The following SEMA3A variants were observed in gnomAD, a reference collection of about 807,000 sequenced individuals.
The protein encoded by SEMA3A is semaphorin 3A.
In SEMA3A, 29 loss-of-function variants were observed where a neutral mutation model predicts 97.9. The observed-to-expected ratio is 0.30, with a 90% CI of 0.22 to 0.40. The LOEUF is 0.40. SEMA3A is among the 10% of genes least tolerant of loss of function. SEMA3A has a pLI of 1.00. For missense variants in SEMA3A, 763 were observed against 951.3 expected (o/e 0.80, Z 2.60); for synonymous variants, 321 against 323.7 (o/e 0.99, Z 0.09).
At chr7:83,997,443 T>G (rs368991000) in intron 12 of SEMA3A, among the ~76,000 whole-genome samples, 5 of 152,172 alleles carry the variant, frequency 3.3e-5, no homozygotes, top group South Asian at 4.1e-4. Flanking sequence ...AGTGAAATAT[T>G]CCAATTGCTA....
chr7:84,262,122 G>A (rs1167827166), intron 3 of SEMA3A, among the ~76,000 whole-genome samples: 2 of 151,438 alleles, frequency 1.3e-5, no homozygotes, highest in Non-Finnish European at 2.9e-5. Context: ...TCATATTACT[G>A]CTTTATATCA....
At position 84,142,048 on chromosome 7, in the gene SEMA3A, T is replaced by C. The variant is rs1248732944; in HGVS notation, c.113-7097A>G. Reference sequence around the variant, plus strand: ...GCCATGTTATCAGGGAGAGACACTATATTTTTCCTCAAATATGCTTATAAA... The same window carrying C: ...GCCATGTTATCAGGGAGAGACACTACATTTTTCCTCAAATATGCTTATAAA... On this transcript the variant is annotated intron_variant, in intron 1 of 16. Transcript: ENST00000265362. Among the ~76,000 whole-genome samples the C allele has an allele frequency of 2.6e-5, 4 of 152,212 alleles. No homozygotes were observed. In the East Asian group the frequency reaches 5.8e-4, roughly 22 times the overall value.
intron 12 of SEMA3A, among the ~76,000 whole-genome samples, chr7:83,986,944 CCT>C (rs1163146619): frequency 6.8e-6 from 1 of 146,870 alleles, no homozygotes; most frequent in Non-Finnish European, 1.5e-5. Flanking sequence ...ATCTCTCTTT[CCT>C]CTCTTCTCTC....
chr7:84,282,252 C>T (rs1800456785), intron 3 of SEMA3A, among the ~76,000 whole-genome samples: 1 of 152,112 alleles, frequency 6.6e-6, no homozygotes, highest in African/African-American at 2.4e-5. Flanking sequence ...AAACATTATT[C>T]CTAGCTTCCT....
At chr7:84,050,981 G>T (rs1451804482) in intron 5 of SEMA3A, among the ~76,000 whole-genome samples, 1 of 151,616 alleles carries the variant, frequency 6.6e-6, no homozygotes, top group Non-Finnish European at 1.5e-5. Context: ...TTTCCCCATT[G>T]CTTGTTTTTC....
intron 1 of SEMA3A, among the ~76,000 whole-genome samples, chr7:84,406,516 AG>A (rs1305135245): frequency 6.6e-6 from 1 of 152,222 alleles, no homozygotes; most frequent in Non-Finnish European, 1.5e-5. Flanking sequence ...TCCAATCAAC[AG>A]AAAAAGAGGG....
At chr7:84,074,152 A>T (rs1328382472) in intron 4 of SEMA3A, among the ~76,000 whole-genome samples, 1 of 152,150 alleles carries the variant, frequency 6.6e-6, no homozygotes, top group African/African-American at 2.4e-5. Flanking sequence ...TTTATAAATT[A>T]AATTATTGAA....
chr7:84,206,361 C>T (rs1285072169), intron 3 of SEMA3A, among the ~76,000 whole-genome samples: 1 of 133,894 alleles, frequency 7.5e-6, no homozygotes, highest in Non-Finnish European at 1.5e-5. Flanking sequence ...CTGGCTCTGT[C>T]GCCCAGGCTG....
chr7:84,379,313 A>C (rs1803195627), intron 1 of SEMA3A, among the ~76,000 whole-genome samples: 1 of 152,180 alleles, frequency 6.6e-6, no homozygotes, highest in Admixed American at 6.5e-5. Context: ...GTTAGTTTGT[A>C]ATTCATGGAG....
At chr7:84,129,658 A>G (rs779099457) in intron 2 of SEMA3A, among the ~76,000 whole-genome samples, 1 of 152,060 alleles carries the variant, frequency 6.6e-6, no homozygotes, top group Non-Finnish European at 1.5e-5. Context: ...GACATTTTAG[A>G]ATAAGTAACT....
chr7:84,300,204 TATC>T (rs1562892521), intron 3 of SEMA3A, among the ~76,000 whole-genome samples: 1 of 150,962 alleles, frequency 6.6e-6, no homozygotes, highest in Non-Finnish European at 1.5e-5. Context: ...AGAAGTCAAA[TATC>T]ATATTTTTAG....
At chr7:84,142,989 A>G (rs1796340183) in intron 1 of SEMA3A, among the ~76,000 whole-genome samples, 1 of 152,142 alleles carries the variant, frequency 6.6e-6, no homozygotes, top group African/African-American at 2.4e-5. Flanking sequence ...TTCATCATTC[A>G]CTAATCTGAT....
chr7:84,413,347 G>A lies in SEMA3A; in HGVS notation c.-245-41447C>T, dbSNP rs576852276. The stretch of plus-strand genomic sequence containing the variant: ...AAGTAGAATATACTGTAGAAAGCAG[G>A]CCGAGTGTGGTGCCTCATACCTGTA... On this transcript the variant is annotated intron_variant, in intron 1 of 3. Transcript: ENST00000424555. Among the ~76,000 whole-genome samples, 10 of 152,222 alleles carry A rather than the reference G, an allele frequency of 6.6e-5. 1 individual carries two copies. In the South Asian group the frequency reaches 1.9e-3, roughly 28 times the overall value.
chr7:84,373,261 G>A (rs920051641), intron 1 of SEMA3A, among the ~76,000 whole-genome samples: 3 of 152,128 alleles, frequency 2.0e-5, no homozygotes, highest in African/African-American at 4.8e-5. Flanking sequence ...CTGTAGTTTG[G>A]TATTCCATAA....
In SEMA3A at chr7:84,046,416, G is replaced by T; in HGVS notation, c.575C>A (p.Ala192Asp). Residue 192 changes from alanine to aspartate, a missense_variant, in exon 6 of 17, where the codon GCT becomes GAT. By Grantham distance (126) the Ala-to-Asp change is moderately radical. Transcript: ENST00000265362. ...IDGELYSGTAADFMGRDFAIF... is the reference protein window; with the variant it reads ...IDGELYSGTADDFMGRDFAIF... ...AGCAAAGTCTCGCCCCATAAAATCAGCTGCAGTTCCAGAGTATAATTCTCC... is the reference window on the plus strand; with the variant it reads ...AGCAAAGTCTCGCCCCATAAAATCATCTGCAGTTCCAGAGTATAATTCTCC... 6.2e-7 allele frequency: 1 copy of T among 1,613,064 alleles called. No individual in the cohort carries two copies. The highest frequency in any genetic ancestry group is 8.5e-7 in the Non-Finnish European group (1 of 1,179,310).
chr7:84,102,588 C>CTCTT (rs1794990540), intron 4 of SEMA3A, among the ~76,000 whole-genome samples: 1 of 96,846 alleles, frequency 1.0e-5, no homozygotes, highest in Non-Finnish European at 1.9e-5. Context: ...TGCATTATCG[C>CTCTT]TTTTTTTTTT....
At chr7:84,021,852 C>T (rs1046191926) in intron 6 of SEMA3A, among the ~76,000 whole-genome samples, 16 of 152,004 alleles carry the variant, frequency 1.1e-4, no homozygotes, top group African/African-American at 2.9e-4. Context: ...TTGGATGAGT[C>T]GAGCTTATCA....
chr7:84,193,783 T>C (rs575686746), intron 1 of SEMA3A, among the ~76,000 whole-genome samples: 3 of 152,276 alleles, frequency 2.0e-5, no homozygotes, highest in East Asian at 3.9e-4. Context: ...AAAAGAGAAG[T>C]TTACACAACT....
At chr7:84,324,458 G>T (rs897601253) in intron 2 of SEMA3A, among the ~76,000 whole-genome samples, 2 of 152,112 alleles carry the variant, frequency 1.3e-5, no homozygotes, top group Non-Finnish European at 2.9e-5. Context: ...ATAGTTATCT[G>T]CCAGCTCCAG....
Sources: gnomAD v4.1 joint callset for allele counts (sites outside exome capture counted in the v4.1 genomes callset) on GRCh38, gnomAD v4.1.1 for gene constraint, MANE v1.5 for transcripts, NCBI Gene and HGNC (gene_info 2026-07-23, HGNC 2026-07-21) for gene names.